CHODL: variants seen among roughly 807,000 people sequenced by gnomAD.
CHODL encodes the protein chondrolectin.
In CHODL, 29 loss-of-function variants were observed where a neutral mutation model predicts 34.5. The ratio of observed to expected loss-of-function variants is 0.84; its 90% CI spans 0.63 to 1.15. The LOEUF (loss-of-function observed/expected upper bound fraction) is 1.15. Among genes scored for constraint, CHODL ranks in the 50% most tolerant of loss-of-function variants. CHODL has a pLI of 0.00. For synonymous variants in CHODL, 125 were observed against 116.1 expected (o/e 1.08, Z -0.49); for missense variants, 332 against 332.5 (o/e 1.00, Z 0.01).
intron 1 of CHODL, among the ~76,000 whole-genome samples, chr21:17,951,641 A>G (rs1182187252): frequency 6.6e-6 from 1 of 152,264 alleles, no homozygotes; most frequent in Non-Finnish European, 1.5e-5. Context: ...ATTTGAATGT[A>G]TAAAATAGAA....
intron 1 of CHODL, among the ~76,000 whole-genome samples, chr21:18,007,431 T>A (rs542901300): frequency 2.1e-4 from 32 of 152,276 alleles, no homozygotes; most frequent in African/African-American, 7.0e-4. Flanking sequence ...GATATAAAAC[T>A]CTCGTCAAAC....
At chr21:18,261,492 C>G (rs1019841856) in intron 4 of CHODL, among the ~76,000 whole-genome samples, 13 of 151,940 alleles carry the variant, frequency 8.6e-5, no homozygotes, top group Non-Finnish European at 1.2e-4. Flanking sequence ...ATGGCAAAAC[C>G]CTGTCTCTAC....
At chr21:18,128,174 G>A (rs113874090) in intron 2 of CHODL, among the ~76,000 whole-genome samples, 12,070 of 150,828 alleles carry the variant, frequency 0.08, 680 homozygotes, top group Middle Eastern at 0.19. Flanking sequence ...GGTGGCGGGC[G>A]CCTGTAGTCC....
At chr21:17,935,798 T>C (rs1165333051) in intron 1 of CHODL, among the ~76,000 whole-genome samples, 1 of 152,160 alleles carries the variant, frequency 6.6e-6, no homozygotes, top group Non-Finnish European at 1.5e-5. Flanking sequence ...TCTGAGGATG[T>C]TGAAGAGTGT....
At chr21:18,105,747 G>A (rs2065265287) in intron 2 of CHODL, among the ~76,000 whole-genome samples, 1 of 152,300 alleles carries the variant, frequency 6.6e-6, no homozygotes, top group South Asian at 2.1e-4. Context: ...GAAATACAAT[G>A]CTTTCTGAAG....
chr21:17,988,868 T>A (rs186603384), intron 1 of CHODL, among the ~76,000 whole-genome samples: 1 of 152,042 alleles, frequency 6.6e-6, no homozygotes, highest in African/African-American at 2.4e-5. Context: ...TACATGTGCA[T>A]GTGTCTTTAT....
At chr21:18,063,297 GT>G (rs1293497446) in intron 2 of CHODL, among the ~76,000 whole-genome samples, 2 of 152,174 alleles carry the variant, frequency 1.3e-5, no homozygotes, top group Non-Finnish European at 2.9e-5. Context: ...ATGCTGGAAG[GT>G]TGTGTCAATG....
In CHODL at chr21:18,266,344, G is replaced by C. The variant is rs377197060; in HGVS notation, c.*306G>C. The C allele has an allele frequency of 1.4e-5, 9 of 636,022 alleles. No homozygotes were observed. The highest frequency in any genetic ancestry group is 2.2e-5 in the South Asian group (1 of 45,470). 39.4% of individuals were successfully genotyped at this position (636,022 alleles called of 1,614,324 possible). A position where few individuals can be genotyped will look rare whatever the true frequency, so the allele number is the denominator to read the frequency against. On this transcript the variant is annotated 3_prime_UTR_variant, in exon 6 of 6. Transcript: ENST00000299295. Reference sequence around the variant, plus strand: ...CAACACGTCGGGAGTATGTGTGTTAGAAGCAATTCCTTTTATTTCTTTCAC... The same window carrying C: ...CAACACGTCGGGAGTATGTGTGTTACAAGCAATTCCTTTTATTTCTTTCAC...
intron 2 of CHODL, among the ~76,000 whole-genome samples, chr21:18,109,062 C>T (rs376568726): frequency 0.033 from 5,076 of 151,944 alleles, 247 homozygotes; most frequent in African/African-American, 0.11. Context: ...GAAGGATAAA[C>T]GTATTTTCAG....
intron 2 of CHODL, among the ~76,000 whole-genome samples, chr21:18,058,490 A>G (rs1241570751): frequency 6.9e-6 from 1 of 145,606 alleles, no homozygotes; most frequent in African/African-American, 2.5e-5. Flanking sequence ...AATGTGGCAT[A>G]TATACACAAT....
At chr21:17,922,754 A>G (rs1443962983) in intron 1 of CHODL, among the ~76,000 whole-genome samples, 2 of 152,128 alleles carry the variant, frequency 1.3e-5, no homozygotes, top group Non-Finnish European at 2.9e-5. Flanking sequence ...TGTAGCTCCT[A>G]AAGGTTGCGA....
intron 2 of CHODL, among the ~76,000 whole-genome samples, chr21:18,175,961 T>A (rs1172718389): frequency 1.3e-5 from 2 of 152,110 alleles, no homozygotes; most frequent in African/African-American, 4.8e-5. Flanking sequence ...GGATTAGAAG[T>A]TCAGTTTTAC....
intron 1 of CHODL, among the ~76,000 whole-genome samples, chr21:17,948,009 G>A (rs113324896): frequency 1.4e-4 from 22 of 152,256 alleles, no homozygotes; most frequent in African/African-American, 5.3e-4. Flanking sequence ...CAGCAACATG[G>A]ATGAAACTGG....
At chr21:18,115,547 C>G (rs1473947057) in intron 2 of CHODL, among the ~76,000 whole-genome samples, 2 of 152,182 alleles carry the variant, frequency 1.3e-5, no homozygotes, top group African/African-American at 4.8e-5. Context: ...GCCAAACACA[C>G]AAAGTCTTTC....
intron 1 of CHODL, among the ~76,000 whole-genome samples, chr21:17,942,485 C>G (rs1179952502): frequency 6.6e-6 from 1 of 152,136 alleles, no homozygotes; most frequent in Non-Finnish European, 1.5e-5. Context: ...TCCCTGGCCA[C>G]ATGGAACTGT....
intron 2 of CHODL, among the ~76,000 whole-genome samples, chr21:18,239,318 A>G (rs1462310268): frequency 1.3e-5 from 2 of 152,124 alleles, no homozygotes; most frequent in Non-Finnish European, 2.9e-5. Flanking sequence ...GCTGTCCTGC[A>G]TTATACACAT....
At chr21:17,927,130 ATATG>A (rs902479942) in intron 1 of CHODL, among the ~76,000 whole-genome samples, 24 of 115,430 alleles carry the variant, frequency 2.1e-4, no homozygotes, top group African/African-American at 7.1e-4. Context: ...ATATGTATAT[ATATG>A]TATATATGTA....
At chr21:18,106,935 G>A (rs1347910526) in intron 2 of CHODL, among the ~76,000 whole-genome samples, 1 of 152,140 alleles carries the variant, frequency 6.6e-6, no homozygotes, top group Non-Finnish European at 1.5e-5. Context: ...CTGCACCCAA[G>A]TGTACAGAAG....
chr21:18,255,447 A>C (rs2146809699), intron 1 of CHODL, among the ~76,000 whole-genome samples: 1 of 152,202 alleles, frequency 6.6e-6, no homozygotes, highest in South Asian at 2.1e-4. Flanking sequence ...TTAATATATA[A>C]GTAGAGCCTC....
Sources: allele counts gnomAD v4.1 joint callset (sites outside exome capture counted in the v4.1 genomes callset), GRCh38; gene constraint gnomAD v4.1.1; transcripts MANE v1.5; gene names NCBI Gene and HGNC (gene_info 2026-07-23, HGNC 2026-07-21).